The following COLEC12 variants were observed in gnomAD, a reference collection of about 807,000 sequenced individuals.
COLEC12 encodes the protein collectin subfamily member 12, also known as collectin-12.
A neutral mutation model predicts 71.1 loss-of-function variants in COLEC12; 33 were observed. The ratio of observed to expected loss-of-function variants is 0.46; its 90% CI spans 0.35 to 0.62. The LOEUF (loss-of-function observed/expected upper bound fraction) is 0.62. Among genes scored for constraint, COLEC12 ranks in the 20% least tolerant of loss-of-function variants. The probability of loss-of-function intolerance (pLI) is 0.00; values close to 1 mark genes in which losing one functional copy is unlikely to be tolerated. For missense variants in COLEC12, 765 were observed against 916.1 expected (o/e 0.84, Z 2.13); for synonymous variants, 350 against 353.0 (o/e 0.99, Z 0.10).
At chr18:377,003 A>G (rs1306571312) in intron 2 of COLEC12, among the ~76,000 whole-genome samples, 1 of 152,114 alleles carries the variant, frequency 6.6e-6, no homozygotes, top group Non-Finnish European at 1.5e-5. Flanking sequence ...TTCCCTTCCA[A>G]CCTACAAAGT....
intron 2 of COLEC12, among the ~76,000 whole-genome samples, chr18:438,333 C>G (rs530013539): frequency 8.5e-5 from 13 of 152,246 alleles, no homozygotes; most frequent in Admixed American, 5.9e-4. Context: ...TATCATGGAG[C>G]TAAAATTCAT....
At position 334,972 on chromosome 18, in the gene COLEC12, G is replaced by C. The variant is rs778196915; in HGVS notation, c.1586C>G (p.Pro529Arg). The C allele has an allele frequency of 3.5e-5, 55 of 1,557,934 alleles. No homozygotes were observed. In the African/African-American group the frequency reaches 6.6e-4, roughly 19 times the overall value. The change falls in exon 6 of 10, where the codon CCG becomes CGG. Residue 529 changes from proline to arginine, a missense_variant. Coordinates refer to ENST00000400256, the MANE Select transcript of COLEC12 (RefSeq NM_130386.3). ...GAGTCCCTCTTTGCCTGGTGGGCCC[G>C]GGGGGCCTGGGTCCCCACTGGAGCC... ...PQGSSGDPGP[P>R]GPPGKEGLPG...
intron 2 of COLEC12, among the ~76,000 whole-genome samples, chr18:476,826 A>T (rs954484717): frequency 6.6e-6 from 1 of 152,222 alleles, no homozygotes; most frequent in African/African-American, 2.4e-5. Context: ...CAGAAAATGA[A>T]CTCTGCCAAA....
intron 2 of COLEC12, among the ~76,000 whole-genome samples, chr18:404,986 A>C (rs1243714147): frequency 6.6e-6 from 1 of 152,160 alleles, no homozygotes; most frequent in Admixed American, 6.5e-5. Context: ...AAAGGAATGC[A>C]TTCCTGGGGG....
intron 2 of COLEC12, among the ~76,000 whole-genome samples, chr18:474,425 T>C (rs558700326): frequency 4.7e-4 from 72 of 152,298 alleles, no homozygotes; most frequent in Middle Eastern, 3.4e-3. Context: ...TGGAATGTGG[T>C]GTTGAATCTT....
intron 3 of COLEC12, among the ~76,000 whole-genome samples, chr18:356,211 A>T (rs1041055671): frequency 6.6e-6 from 1 of 152,160 alleles, no homozygotes; most frequent in South Asian, 2.1e-4. Context: ...AGATTCTTCA[A>T]TTACATCATC....
chr18:409,063 T>C (rs555704149), intron 2 of COLEC12, among the ~76,000 whole-genome samples: 298 of 152,144 alleles, frequency 2.0e-3, no homozygotes, highest in Non-Finnish European at 3.1e-3. Flanking sequence ...CTCAAACTCC[T>C]GACCTCAAGT....
chr18:386,058 T>C (rs1567892209), intron 2 of COLEC12, among the ~76,000 whole-genome samples: 1 of 152,018 alleles, frequency 6.6e-6, no homozygotes, highest in Non-Finnish European at 1.5e-5. Context: ...GGTGGATAAA[T>C]CCACTGTGGG....
chr18:415,592 T>C (rs762450183), intron 2 of COLEC12, among the ~76,000 whole-genome samples: 15 of 152,198 alleles, frequency 9.9e-5, no homozygotes, highest in Non-Finnish European at 2.1e-4. Context: ...CTACAACAGA[T>C]GGCTATAAAA....
At position 318,878 on chromosome 18, in the gene COLEC12, G is replaced by C. The variant is rs1397561068; in HGVS notation, c.*1167C>G. On this transcript the variant is annotated 3_prime_UTR_variant, in exon 10 of 10. Transcript: ENST00000400256. The stretch of plus-strand genomic sequence containing the variant: ...GCGTATGCCTTGGAGTTATGTTTTT[G>C]GAATATGACTTAAGAAAACAAACTT... 6.6e-6 allele frequency: 1 copy of C among 152,116 alleles called. No individual in the cohort carries two copies. The highest frequency in any genetic ancestry group is 6.5e-5 in the Admixed American group (1 of 15,274). The allele number at this position is 152,116 out of a possible 1,614,324, so 9.4% of individuals were successfully genotyped here.
chr18:380,606 C>T (rs1325086481), intron 2 of COLEC12, among the ~76,000 whole-genome samples: 1 of 152,192 alleles, frequency 6.6e-6, no homozygotes, highest in African/African-American at 2.4e-5. Context: ...CACATACACA[C>T]ACTCACACAC....
rs7239649 is a variant in COLEC12, at chr18:399,945, G to C, written c.59-42423C>G. On this transcript the variant is annotated intron_variant, in intron 2 of 9. Coordinates refer to ENST00000400256, the MANE Select transcript of COLEC12 (RefSeq NM_130386.3). The surrounding 1 kb of genome is among the most constrained non-coding windows in gnomAD (Gnocchi z 4.0). ...GACAACGCTTGTTAAAGGGTGGTGG[G>C]GGCGGGTGGGGGATAGTGACTGAAG... 6.6e-6 allele frequency among the ~76,000 whole-genome samples: 1 copy of C among 152,152 alleles called. No individual in the cohort carries two copies. The highest frequency in any genetic ancestry group is 2.4e-5 in the African/African-American group (1 of 41,424).
chr18:436,525 A>AAGGG (rs1491456419), intron 2 of COLEC12, among the ~76,000 whole-genome samples: 2 of 98,924 alleles, frequency 2.0e-5, no homozygotes, highest in African/African-American at 8.5e-5. Context: ...CAAAAAAAAA[A>AAGGG]GGGGGGGGGG....
chr18:383,493 T>A (rs1471698798), intron 2 of COLEC12, among the ~76,000 whole-genome samples: 1 of 152,088 alleles, frequency 6.6e-6, no homozygotes, highest in Non-Finnish European at 1.5e-5. Context: ...AAAAGATGAG[T>A]TTAGCTACCC....
chr18:421,526 A>C (rs978948095), intron 2 of COLEC12, among the ~76,000 whole-genome samples: 1 of 152,144 alleles, frequency 6.6e-6, no homozygotes, highest in Non-Finnish European at 1.5e-5. Context: ...GGAATGTAAG[A>C]GAAATATGAA....
chr18:464,548 G>C (rs763032529), intron 2 of COLEC12, among the ~76,000 whole-genome samples: 33 of 152,118 alleles, frequency 2.2e-4, no homozygotes, highest in Non-Finnish European at 3.7e-4. Context: ...TGCTTTCTCT[G>C]AATCACTGGT....
chr18:357,906 C>A (rs953411292), intron 2 of COLEC12, among the ~76,000 whole-genome samples: 1 of 152,186 alleles, frequency 6.6e-6, no homozygotes, highest in Non-Finnish European at 1.5e-5. Flanking sequence ...TGTTAGGAAC[C>A]GGCTGCACAG....
intron 2 of COLEC12, among the ~76,000 whole-genome samples, chr18:456,754 G>A (rs1214980149): frequency 6.6e-6 from 1 of 152,224 alleles, no homozygotes; most frequent in Non-Finnish European, 1.5e-5. Context: ...TGGACCGCAA[G>A]CAGTGGCAGC....
intron 2 of COLEC12, among the ~76,000 whole-genome samples, chr18:468,305 T>C (rs528040793): frequency 5.9e-5 from 9 of 152,194 alleles, no homozygotes; most frequent in African/African-American, 2.2e-4. Flanking sequence ...AATAGATTCT[T>C]GAACCTTGAA....
Sources: gnomAD v4.1 joint callset for allele counts (sites outside exome capture counted in the v4.1 genomes callset) on GRCh38, gnomAD v4.1.1 for gene constraint, Gnocchi (gnomAD v3.1) non-coding constraint, MANE v1.5 for transcripts, NCBI Gene and HGNC (gene_info 2026-07-23, HGNC 2026-07-21) for gene names.